The following P2RY12 variants were observed in gnomAD, a reference collection of about 807,000 sequenced individuals.
P2RY12 encodes the protein purinergic receptor P2Y12, also known as P2Y purinoceptor 12.
In P2RY12, 3 loss-of-function variants were observed where a neutral mutation model predicts 4.5. That is an observed-to-expected ratio of 0.67 (90% CI 0.31 to 1.74). The LOEUF is 1.74. Among genes scored for constraint, P2RY12 ranks in the 40% most tolerant of loss-of-function variants. The probability of loss-of-function intolerance (pLI) is 0.09; values close to 1 mark genes in which losing one functional copy is unlikely to be tolerated. For synonymous variants in P2RY12, 148 were observed against 154.1 expected, an observed-to-expected ratio of 0.96 and a Z score of 0.29; for missense variants, 356 against 407.8, an observed-to-expected ratio of 0.87 and a Z score of 1.09.
chr3:151,384,278 G>A, intron 1 of P2RY12: 4 of 1,462,138 alleles, frequency 2.7e-6, no homozygotes, highest in African/African-American at 1.4e-5. Context: ...ATTATCTAGT[G>A]CATTTTAATT....
intron 1 of P2RY12, among the ~76,000 whole-genome samples, chr3:151,344,790 T>A (rs927276412): frequency 6.6e-6 from 1 of 152,222 alleles, no homozygotes; most frequent in Non-Finnish European, 1.5e-5. Context: ...TTAAGGACAT[T>A]AGTAATTTAA....
intron 1 of P2RY12, chr3:151,376,089 T>C (rs1243089098): frequency 6.2e-7 from 1 of 1,612,420 alleles, no homozygotes. Flanking sequence ...AGAACTTATA[T>C]TGGACCCTGT....
intron 1 of P2RY12, among the ~76,000 whole-genome samples, chr3:151,374,818 CA>C (rs1392273964): frequency 1.3e-5 from 2 of 152,086 alleles, no homozygotes; most frequent in Non-Finnish European, 2.9e-5. Context: ...TGAAACTATA[CA>C]AAAAAGTATA....
chr3:151,338,629 T>C lies in P2RY12; in HGVS notation c.217A>G (p.Met73Val). 1.2e-6 allele frequency: 2 copies of C among 1,613,852 alleles called. No homozygotes were observed. Among genetic ancestry groups the C allele is most frequent in the Non-Finnish European group, 1.7e-6 (2 of 1,179,830 alleles). Reference protein sequence around the residue: ...LKNTVISDLLMILTFPFKILS... With the variant: ...LKNTVISDLLVILTFPFKILS... ...ATTTTGAATGGAAAAGTCAGAATCA[T>C]GAGAAGATCAGAAATGACTGTGTTC... The change falls in exon 3 of 3, where the codon ATG becomes GTG. Residue 73 changes from methionine to valine, a missense_variant. By Grantham distance (21) the Met-to-Val change is conservative. Transcript: ENST00000302632.
At chr3:151,355,279 C>G (rs1753766633) in intron 1 of P2RY12, 2 of 1,421,572 alleles carry the variant, frequency 1.4e-6, no homozygotes, top group Non-Finnish European at 9.7e-7. Context: ...TTGCAGTATT[C>G]TAATTTACTT....
rs370601806 is a variant in P2RY12, at chr3:151,367,788, T to A, written c.-180+16904A>T. The A allele has an allele frequency of 8.2e-6, 13 of 1,590,746 alleles. No individual in the cohort carries two copies. The African/African-American group carries it at 1.8e-4, about 21-fold the overall frequency. On this transcript the variant is annotated intron_variant, in intron 1 of 2. Transcript: ENST00000302632. ...GCAGGTAAGGCAGCATCCATGAACA[T>A]CCGTTGCTCTTTGATTGTTGTCTTG...
At chr3:151,382,530 T>A (rs1712569062) in intron 1 of P2RY12, 1 of 551,004 alleles carries the variant, frequency 1.8e-6, no homozygotes, top group Non-Finnish European at 3.1e-6. Context: ...GCTAAAATTT[T>A]ATTTAGCTTT....
Position 151,376,826 on chromosome 3 carries a change from A to G in P2RY12, c.-180+7866T>C, listed in dbSNP as rs756418141. 23 of 1,613,942 alleles carry G rather than the reference A, an allele frequency of 1.4e-5. No individual in the cohort carries two copies. In the African/African-American group the frequency reaches 1.7e-4, roughly 12 times the overall value. On this transcript the variant is annotated intron_variant, in intron 1 of 2. Coordinates refer to ENST00000302632, the MANE Select transcript of P2RY12 (RefSeq NM_022788.5). ...ATCTTGAGCAGTGGACACTGAGGCA[A>G]TCCTGGTTAGAACTCCAGCTAATGA...
At chr3:151,379,845 C>T (rs1711924497) in intron 1 of P2RY12, among the ~76,000 whole-genome samples, 1 of 151,924 alleles carries the variant, frequency 6.6e-6, no homozygotes, top group Non-Finnish European at 1.5e-5. Context: ...TGTCTTCTAC[C>T]CTCACTGCCC....
Position 151,360,499 on chromosome 3 carries a change from G to A in P2RY12, c.-179-19739C>T, listed in dbSNP as rs781152324. ...GTTGTGTGGTGTGGTCAAGCATGTCGTAAACCCCTCAGAATGTTCTTCCCC... is the reference window on the plus strand; with the variant it reads ...GTTGTGTGGTGTGGTCAAGCATGTCATAAACCCCTCAGAATGTTCTTCCCC... On this transcript the variant is annotated intron_variant, in intron 1 of 2. Transcript: ENST00000302632. The A allele has an allele frequency of 2.6e-5, 42 of 1,612,418 alleles. 1 individual carries two copies. The highest frequency in any genetic ancestry group is 3.3e-4 in the Middle Eastern group (2 of 6,070).
chr3:151,372,575 A>G (rs773200039), intron 1 of P2RY12: 82 of 1,613,520 alleles, frequency 5.1e-5, no homozygotes, highest in Non-Finnish European at 6.2e-5. Context: ...AGGAGATGCC[A>G]AAATTGGCAA....
intron 1 of P2RY12, among the ~76,000 whole-genome samples, chr3:151,342,040 G>A (rs1028223809): frequency 1.4e-4 from 22 of 152,214 alleles, no homozygotes; most frequent in South Asian, 6.2e-4. Context: ...ATAAACATAC[G>A]TGTGCATGTG....
chr3:151,369,106 A>G (rs897081618), intron 1 of P2RY12, among the ~76,000 whole-genome samples: 18 of 152,204 alleles, frequency 1.2e-4, no homozygotes, highest in Non-Finnish European at 2.6e-4. Flanking sequence ...TAAGAATTTT[A>G]GGGGCGTTGG....
chr3:151,376,678 A>G (rs534332034), intron 1 of P2RY12: 8 of 803,766 alleles, frequency 1.0e-5, no homozygotes, highest in South Asian at 1.7e-5. Flanking sequence ...TTTGACTCAT[A>G]TAAATTATTT....
chr3:151,355,102 C>T, intron 1 of P2RY12: 1 of 1,567,396 alleles, frequency 6.4e-7, no homozygotes, highest in East Asian at 2.2e-5. Context: ...AATAATGGAT[C>T]TGCTTTATGT....
In P2RY12 at chr3:151,371,084, A is replaced by G. The variant is rs1756126633; in HGVS notation, c.-180+13608T>C. On this transcript the variant is annotated intron_variant, in intron 1 of 2. Coordinates refer to ENST00000302632, the MANE Select transcript of P2RY12 (RefSeq NM_022788.5). ...CTCATACCTTCTCTGTTGTCCTAACATCTAAACTAAATGAGGATCTCCTAG... is the reference window on the plus strand; with the variant it reads ...CTCATACCTTCTCTGTTGTCCTAACGTCTAAACTAAATGAGGATCTCCTAG... Among the ~76,000 whole-genome samples, 2 of 152,220 alleles carry G rather than the reference A, an allele frequency of 1.3e-5. 1 individual carries two copies. Among genetic ancestry groups the G allele is most frequent in the South Asian group, 4.1e-4 (2 of 4,830 alleles).
At position 151,379,305 on chromosome 3, in the gene P2RY12, C is replaced by T. The variant is rs182269748; in HGVS notation, c.-180+5387G>A. ...AAGATCGCTCTTCCCACATCAGGGG[C>T]TCTTTATTCTGCCCATGGAGAATAA... On this transcript the variant is annotated intron_variant, in intron 1 of 2. Coordinates refer to ENST00000302632, the MANE Select transcript of P2RY12 (RefSeq NM_022788.5). 5.3e-5 allele frequency among the ~76,000 whole-genome samples: 8 copies of T among 152,342 alleles called. No homozygotes were observed. The East Asian group carries it at 9.6e-4, about 18-fold the overall frequency.
At chr3:151,382,426 A>G (rs1336767206) in intron 1 of P2RY12, among the ~76,000 whole-genome samples, 1 of 152,204 alleles carries the variant, frequency 6.6e-6, no homozygotes, top group African/African-American at 2.4e-5. Flanking sequence ...ATCATAGGCT[A>G]GCTATATAAT....
rs2107950802 is a variant in P2RY12, at chr3:151,368,195, G to A, written c.-180+16497C>T. The A allele has an allele frequency of 6.2e-7, 1 of 1,614,042 alleles. No homozygotes were observed. Among genetic ancestry groups the A allele is most frequent in the Non-Finnish European group, 8.5e-7 (1 of 1,179,982 alleles). ...GAGCCTGGGGCGAGAATGACATGCC[G>A]ACTCTTGCTTCATCTCTTCCGAGCT... On this transcript the variant is annotated intron_variant, in intron 1 of 2. Transcript: ENST00000302632.
Sources: allele counts gnomAD v4.1 joint callset (sites outside exome capture counted in the v4.1 genomes callset), GRCh38; gene constraint gnomAD v4.1.1; transcripts MANE v1.5; gene names NCBI Gene and HGNC (gene_info 2026-07-23, HGNC 2026-07-21).